The following CCSER1 variants were observed in gnomAD, a reference collection of about 807,000 sequenced individuals.
The protein encoded by CCSER1 is coiled-coil serine rich protein 1.
A neutral mutation model predicts 82.0 loss-of-function variants in CCSER1; 41 were observed. The observed-to-expected ratio is 0.50, with a 90% CI of 0.39 to 0.65. The LOEUF is 0.65. Ranked by LOEUF, CCSER1 falls within the 30% of genes least tolerant of loss-of-function variation. The probability of loss-of-function intolerance (pLI) is 0.00; values close to 1 mark genes in which losing one functional copy is unlikely to be tolerated. For synonymous variants in CCSER1, 414 were observed against 383.9 expected, an observed-to-expected ratio of 1.08 and a Z score of -0.92; for missense variants, 1,119 against 1,064.2, an observed-to-expected ratio of 1.05 and a Z score of -0.72.
intron 10 of CCSER1, among the ~76,000 whole-genome samples, chr4:91,104,575 A>G (rs1421421014): frequency 1.3e-5 from 2 of 152,224 alleles, no homozygotes; most frequent in East Asian, 3.8e-4. Flanking sequence ...TGTGTTCAAA[A>G]TAATAGCTTT....
chr4:91,163,818 T>A (rs1731722535), intron 10 of CCSER1, among the ~76,000 whole-genome samples: 1 of 152,194 alleles, frequency 6.6e-6, no homozygotes, highest in Non-Finnish European at 1.5e-5. Context: ...TTTGAGCCTA[T>A]GTGTGTCTCT....
chr4:91,089,171 C>T (rs779644945), intron 10 of CCSER1, among the ~76,000 whole-genome samples: 9 of 152,120 alleles, frequency 5.9e-5, no homozygotes, highest in South Asian at 2.1e-4. Flanking sequence ...ATGAAAGGGC[C>T]GTGATTGATT....
At chr4:90,476,423 TC>T (rs774261442) in intron 5 of CCSER1, among the ~76,000 whole-genome samples, 45 of 152,004 alleles carry the variant, frequency 3.0e-4, no homozygotes, top group South Asian at 4.2e-4. Context: ...GCTTAGAGGG[TC>T]GGTGGGGGCA....
At chr4:90,780,666 A>G in intron 7 of CCSER1, 4 of 1,361,608 alleles carry the variant, frequency 2.9e-6, no homozygotes, top group South Asian at 4.1e-5. Flanking sequence ...TTAAAATAAT[A>G]ATGAACTAAG....
At chr4:91,181,947 G>A (rs1427401664) in intron 10 of CCSER1, among the ~76,000 whole-genome samples, 1 of 152,176 alleles carries the variant, frequency 6.6e-6, no homozygotes, top group Non-Finnish European at 1.5e-5. Flanking sequence ...AAGTATAATT[G>A]TTCTCTGTGT....
At chr4:91,131,110 G>T (rs1727949341) in intron 10 of CCSER1, among the ~76,000 whole-genome samples, 1 of 151,766 alleles carries the variant, frequency 6.6e-6, no homozygotes, top group Non-Finnish European at 1.5e-5. Context: ...GTGTTCCAGA[G>T]ACACTTATTA....
At chr4:91,431,611 G>A (rs1243370734) in intron 10 of CCSER1, among the ~76,000 whole-genome samples, 3 of 151,934 alleles carry the variant, frequency 2.0e-5, no homozygotes, top group Admixed American at 1.3e-4. Flanking sequence ...GGGATTACGG[G>A]CATGCACCAC....
In CCSER1 at chr4:91,291,989, T is replaced by C. The variant is rs76479954; in HGVS notation, c.2217+205995T>C. On this transcript the variant is annotated intron_variant, in intron 10 of 10. Transcript: ENST00000509176. ...GTCCCATTTTTTTCTTCCAAGGTTGTTTTCTTTAATATTTCTGTTAAAGCA... is the reference window on the plus strand; with the variant it reads ...GTCCCATTTTTTTCTTCCAAGGTTGCTTTCTTTAATATTTCTGTTAAAGCA... 1.5e-3 allele frequency among the ~76,000 whole-genome samples: 233 copies of C among 152,198 alleles called. 2 individuals are homozygous for C. In the East Asian group the frequency reaches 0.043, roughly 28 times the overall value.
chr4:91,476,459 T>C (rs1472347895), intron 10 of CCSER1, among the ~76,000 whole-genome samples: 1 of 151,630 alleles, frequency 6.6e-6, no homozygotes, highest in Non-Finnish European at 1.5e-5. Flanking sequence ...TGTTAAGATG[T>C]CCATACCGCC....
intron 1 of CCSER1, among the ~76,000 whole-genome samples, chr4:90,136,110 G>C (rs1032072188): frequency 6.6e-6 from 1 of 152,114 alleles, no homozygotes; most frequent in African/African-American, 2.4e-5. Context: ...TAGAAAAATT[G>C]ACGAAATTTA....
At chr4:90,433,446 T>C (rs1758575880) in intron 4 of CCSER1, among the ~76,000 whole-genome samples, 2 of 152,114 alleles carry the variant, frequency 1.3e-5, no homozygotes, top group Admixed American at 6.6e-5. Flanking sequence ...GTCAAGGGAC[T>C]CTTAAGAGTC....
chr4:91,173,938 T>G (rs1733036290), intron 10 of CCSER1, among the ~76,000 whole-genome samples: 1 of 152,206 alleles, frequency 6.6e-6, no homozygotes, highest in Non-Finnish European at 1.5e-5. Flanking sequence ...TTGTCAATTT[T>G]CCAATAGTCT....
chr4:91,325,059 CA>C, intron 10 of CCSER1: 1 of 406,854 alleles, frequency 2.5e-6, no homozygotes, highest in Non-Finnish European at 4.8e-6. Flanking sequence ...ACCTGTGGGG[CA>C]AGGGGCTTGG....
At position 90,593,751 on chromosome 4, in the gene CCSER1, G is replaced by A. The variant is rs116424452; in HGVS notation, c.1725-34274G>A. 4.6e-3 allele frequency among the ~76,000 whole-genome samples: 699 copies of A among 151,866 alleles called. 3 individuals are homozygous for A. Among genetic ancestry groups the A allele is most frequent in the African/African-American group, 0.015 (636 of 41,426 alleles). ...TTACACCCGAATTCTGCTTGGATGC[G>A]TCTCCTCTGTGTTCTTAAAACAAGA... On this transcript the variant is annotated intron_variant, in intron 5 of 10. Transcript: ENST00000509176.
chr4:90,961,849 T>C (rs1734081764), intron 9 of CCSER1, among the ~76,000 whole-genome samples: 2 of 152,098 alleles, frequency 1.3e-5, no homozygotes, highest in Non-Finnish European at 2.9e-5. Context: ...GATCTGAAAG[T>C]TGACAATAGA....
At chr4:90,144,349 A>G (rs1401000937) in intron 1 of CCSER1, among the ~76,000 whole-genome samples, 1 of 152,232 alleles carries the variant, frequency 6.6e-6, no homozygotes, top group Non-Finnish European at 1.5e-5. Flanking sequence ...AATATGACAT[A>G]TAGGTAGCTA....
At chr4:91,574,607 C>T (rs1267683522) in intron 10 of CCSER1, among the ~76,000 whole-genome samples, 1 of 152,012 alleles carries the variant, frequency 6.6e-6, no homozygotes, top group African/African-American at 2.4e-5. Context: ...ATGGATGCAG[C>T]TGGAGTCCAT....
Position 90,445,312 on chromosome 4 carries a change from G to A in CCSER1, c.1604-22922G>A, listed in dbSNP as rs184282872. ...ATATTAACCAGTCATATTAAATATC[G>A]CTTCAAAGAGTGATACTTTCTCTGG... On this transcript the variant is annotated intron_variant, in intron 4 of 10. Coordinates refer to ENST00000509176, the MANE Select transcript of CCSER1 (RefSeq NM_001145065.2). Among the ~76,000 whole-genome samples the A allele has an allele frequency of 2.3e-3, 347 of 152,024 alleles. 1 individual carries two copies. Among genetic ancestry groups the A allele is most frequent in the African/African-American group, 7.4e-3 (309 of 41,504 alleles).
chr4:90,187,937 A>G (rs887507321), intron 1 of CCSER1, among the ~76,000 whole-genome samples: 1 of 151,964 alleles, frequency 6.6e-6, no homozygotes, highest in African/African-American at 2.4e-5. Flanking sequence ...AAACAGTCAG[A>G]AAATTGGCTA....
Sources: gnomAD v4.1 joint callset for allele counts (sites outside exome capture counted in the v4.1 genomes callset) on GRCh38, gnomAD v4.1.1 for gene constraint, MANE v1.5 for transcripts, NCBI Gene and HGNC (gene_info 2026-07-23, HGNC 2026-07-21) for gene names.